The following GRIN2A variants were observed in gnomAD, a reference collection of about 807,000 sequenced individuals.
The protein encoded by GRIN2A is glutamate receptor ionotropic, NMDA 2A.
GRIN2A carries 22 observed loss-of-function variants against 113.4 expected under a neutral mutation model. That is an observed-to-expected ratio of 0.19 (90% CI 0.14 to 0.28). The LOEUF is 0.28. Ranked by LOEUF, GRIN2A falls within the 10% of genes least tolerant of loss-of-function variation. The probability of loss-of-function intolerance (pLI) is 1.00; values close to 1 mark genes in which losing one functional copy is unlikely to be tolerated. For synonymous variants in GRIN2A, 827 were observed against 738.4 expected (o/e 1.12, Z -1.94); for missense variants, 1,502 against 1,887.0 (o/e 0.80, Z 3.78).
chr16:10,051,916 T>A (rs1468986484), intron 2 of GRIN2A, among the ~76,000 whole-genome samples: 1 of 152,218 alleles, frequency 6.6e-6, no homozygotes, highest in African/African-American at 2.4e-5. Flanking sequence ...ACTTGCACTG[T>A]TACGTGGGCA....
chr16:10,027,286 C>G (rs1007680236), intron 2 of GRIN2A, among the ~76,000 whole-genome samples: 6 of 152,174 alleles, frequency 3.9e-5, no homozygotes, highest in African/African-American at 1.2e-4. Flanking sequence ...TCAGAGAGAA[C>G]AGACTTTTCC....
At chr16:9,789,033 C>T (rs920856728) in intron 11 of GRIN2A, among the ~76,000 whole-genome samples, 3 of 152,208 alleles carry the variant, frequency 2.0e-5, no homozygotes, top group African/African-American at 7.2e-5. Context: ...TGAGCCACTG[C>T]ACCCAGCCTT....
rs535545710 is a variant in GRIN2A at position 9,753,817 on chromosome 16, C to T, written c.*9332G>A. The T allele has an allele frequency of 5.0e-5, 9 of 181,222 alleles. No individual in the cohort carries two copies. The highest frequency in any genetic ancestry group is 1.9e-4 in the African/African-American group (8 of 42,552). The allele number at this position is 181,222 out of a possible 1,614,324, so 11.2% of individuals were successfully genotyped here. ...AGAGCAGACAGCTTGCTTTCAGCTCCACCATACAAGACATCAAGTCAGTTC... is the reference window on the plus strand; with the variant it reads ...AGAGCAGACAGCTTGCTTTCAGCTCTACCATACAAGACATCAAGTCAGTTC... On this transcript the variant is annotated 3_prime_UTR_variant, in exon 13 of 13. Coordinates refer to ENST00000330684, the MANE Select transcript of GRIN2A (RefSeq NM_001134407.3).
At chr16:9,859,464 A>G (rs530810022) in intron 4 of GRIN2A, among the ~76,000 whole-genome samples, 2 of 152,230 alleles carry the variant, frequency 1.3e-5, no homozygotes, top group South Asian at 2.1e-4. Context: ...CTATACATCT[A>G]TACATGAACC....
intron 2 of GRIN2A, among the ~76,000 whole-genome samples, chr16:10,078,674 G>A (rs762505340): frequency 1.2e-4 from 18 of 152,158 alleles, no homozygotes; most frequent in Non-Finnish European, 4.4e-5. Flanking sequence ...CAACCTCGAG[G>A]CTGGGAATCT....
intron 2 of GRIN2A, among the ~76,000 whole-genome samples, chr16:10,137,108 C>T (rs892198630): frequency 1.3e-5 from 2 of 152,128 alleles, no homozygotes; most frequent in Non-Finnish European, 2.9e-5. Context: ...CACCTTCACT[C>T]CCCCTGCAGG....
intron 2 of GRIN2A, among the ~76,000 whole-genome samples, chr16:10,023,205 T>G (rs1324836935): frequency 6.6e-6 from 1 of 152,174 alleles, no homozygotes; most frequent in African/African-American, 2.4e-5. Flanking sequence ...GGGCCACAGC[T>G]GCCCCCAATG....
chr16:9,850,266 C>A (rs2141370898), intron 4 of GRIN2A, among the ~76,000 whole-genome samples: 1 of 152,268 alleles, frequency 6.6e-6, no homozygotes, highest in Admixed American at 6.5e-5. Flanking sequence ...AGTTCAGGAC[C>A]ACGGATGGCA....
At chr16:9,776,327 G>T (rs1332533302) in intron 11 of GRIN2A, among the ~76,000 whole-genome samples, 2 of 131,858 alleles carry the variant, frequency 1.5e-5, no homozygotes, top group African/African-American at 2.9e-5. Flanking sequence ...GAACGTAATT[G>T]TCACTGGGAG....
chr16:9,917,742 T>A (rs1478138065), intron 3 of GRIN2A, among the ~76,000 whole-genome samples: 1 of 152,222 alleles, frequency 6.6e-6, no homozygotes, highest in African/African-American at 2.4e-5. Flanking sequence ...TGGATGTGTG[T>A]ATTTACTGTT....
At chr16:10,010,322 T>A (rs1828232674) in intron 2 of GRIN2A, among the ~76,000 whole-genome samples, 1 of 152,220 alleles carries the variant, frequency 6.6e-6, no homozygotes. Flanking sequence ...CTCCAGAGTT[T>A]TCAAGAGAAC....
At chr16:10,099,194 G>A (rs572610817) in intron 2 of GRIN2A, among the ~76,000 whole-genome samples, 1 of 152,186 alleles carries the variant, frequency 6.6e-6, no homozygotes, top group East Asian at 1.9e-4. Flanking sequence ...ATGAGTAACT[G>A]CAAAACCATT....
chr16:9,950,144 C>T (rs1018954590), intron 2 of GRIN2A, among the ~76,000 whole-genome samples: 2 of 152,116 alleles, frequency 1.3e-5, no homozygotes, highest in Non-Finnish European at 2.9e-5. Context: ...CTATCAAAAC[C>T]CAGGAAAGGA....
chr16:10,108,846 C>T (rs2048550662), intron 2 of GRIN2A, among the ~76,000 whole-genome samples: 1 of 151,966 alleles, frequency 6.6e-6, no homozygotes, highest in Admixed American at 6.5e-5. Flanking sequence ...AAAATAATTA[C>T]ACATAGACCT....
chr16:10,097,035 G>A (rs1267158277), intron 2 of GRIN2A, among the ~76,000 whole-genome samples: 3 of 152,156 alleles, frequency 2.0e-5, no homozygotes, highest in Non-Finnish European at 4.4e-5. Context: ...TGGTGCAAAA[G>A]TTGCTCCCTT....
At chr16:10,043,938 TACACACATATATATGTATATATATACAC>T (rs2047210767) in intron 2 of GRIN2A, among the ~76,000 whole-genome samples, 1 of 148,382 alleles carries the variant, frequency 6.7e-6, no homozygotes, top group Non-Finnish European at 1.5e-5. Context: ...TGTGTATATA[TACACACATATATATGTATATATATACAC>T]ACACACATAT....
At chr16:9,875,502 G>C (rs1385769151) in intron 4 of GRIN2A, among the ~76,000 whole-genome samples, 2 of 152,214 alleles carry the variant, frequency 1.3e-5, no homozygotes, top group Non-Finnish European at 2.9e-5. Context: ...GCCAGAAGCA[G>C]ATTGCTGGGG....
intron 2 of GRIN2A, among the ~76,000 whole-genome samples, chr16:10,029,118 A>G (rs901178308): frequency 4.6e-5 from 7 of 152,004 alleles, no homozygotes; most frequent in Non-Finnish European, 1.0e-4. Flanking sequence ...TCCCCACTGA[A>G]TCCATTTATC....
intron 2 of GRIN2A, among the ~76,000 whole-genome samples, chr16:9,951,416 G>A (rs1381061652): frequency 6.6e-6 from 1 of 152,178 alleles, no homozygotes; most frequent in Non-Finnish European, 1.5e-5. Context: ...CTTTAACAGA[G>A]CAACGCTAAA....
Sources: allele counts gnomAD v4.1 joint callset (sites outside exome capture counted in the v4.1 genomes callset), GRCh38; gene constraint gnomAD v4.1.1; transcripts MANE v1.5; gene names NCBI Gene and HGNC (gene_info 2026-07-23, HGNC 2026-07-21).